Variants in KLF8 observed in about 807,000 individuals in gnomAD.
KLF8 encodes Krueppel-like factor 8.
KLF8 carries 10 observed loss-of-function variants against 18.2 expected under a neutral mutation model. That is an observed-to-expected ratio of 0.55 (90% CI 0.34 to 0.93). KLF8 has a LOEUF of 0.93. KLF8 is among the 40% of genes least tolerant of loss of function. The pLI is 0.02. For synonymous variants in KLF8, 109 were observed against 97.3 expected (o/e 1.12, Z -0.71); for missense variants, 264 against 277.9 (o/e 0.95, Z 0.36).
intron 1 of KLF8, chrX:56,242,941 A>T (rs1159365194): frequency 4.4e-6 from 2 of 457,879 alleles, no homozygotes; most frequent in East Asian, 9.5e-5. Context: ...CTCAGTTTAG[A>T]TGATCCCAAT....
chrX:56,154,837 A>G, the KLF8 span, among the ~76,000 whole-genome samples: 1 of 112,466 alleles, frequency 8.9e-6, no homozygotes, highest in Non-Finnish European at 1.9e-5. Flanking sequence ...TTATGCAGCC[A>G]AAAGACACAT....
At chrX:55,973,818 C>T in the KLF8 span, among the ~76,000 whole-genome samples, 3 of 111,930 alleles carry the variant, frequency 2.7e-5, no homozygotes, top group Non-Finnish European at 5.6e-5. Context: ...TTCAAGTCAG[C>T]AGTATCATTT....
the KLF8 span, among the ~76,000 whole-genome samples, chrX:56,063,956 G>A: frequency 9.2e-6 from 1 of 108,248 alleles, no homozygotes. Context: ...TTCACTTCCA[G>A]GTTTATGACC....
chrX:56,212,647 C>CA, the KLF8 span, among the ~76,000 whole-genome samples: 5 of 112,272 alleles, frequency 4.5e-5, no homozygotes, highest in East Asian at 1.4e-3. Context: ...TCCCAATGCC[C>CA]AGAGGCCACC....
chrX:56,059,419 C>A, the KLF8 span, among the ~76,000 whole-genome samples: 1 of 111,714 alleles, frequency 9.0e-6, no homozygotes. Flanking sequence ...AGTCATGAAG[C>A]CTTTGCCCAT....
the KLF8 span, among the ~76,000 whole-genome samples, chrX:56,224,544 A>G: frequency 4.5e-5 from 5 of 111,781 alleles, no homozygotes; most frequent in African/African-American, 1.6e-4. Context: ...CCTACTAGCT[A>G]TCCTTTGTTT....
chrX:55,944,020 C>T, the KLF8 span, among the ~76,000 whole-genome samples: 1 of 112,087 alleles, frequency 8.9e-6, no homozygotes, highest in African/African-American at 3.2e-5. Flanking sequence ...TAGGAATAGA[C>T]TCCTTGAGAG....
the KLF8 span, among the ~76,000 whole-genome samples, chrX:56,058,279 C>CGTATATATACACATATATATACATATAT: frequency 1.4e-4 from 1 of 7,311 alleles, no homozygotes; most frequent in Non-Finnish European, 3.6e-4. Context: ...CATATATATA[C>CGTATATATACACATATATATACATATAT]ATATATATAT....
At chrX:56,244,022 T>C (rs2066589323) in intron 1 of KLF8, among the ~76,000 whole-genome samples, 1 of 111,410 alleles carries the variant, frequency 9.0e-6, no homozygotes, top group Admixed American at 9.6e-5. Context: ...TGCTATGGAA[T>C]CTGCTTAAAA....
chrX:56,086,373 A>T, the KLF8 span, among the ~76,000 whole-genome samples: 3 of 111,176 alleles, frequency 2.7e-5, no homozygotes, highest in Non-Finnish European at 5.7e-5. Context: ...TGACCCTTTG[A>T]GTTCCATCCA....
At chrX:56,123,208 G>T in the KLF8 span, among the ~76,000 whole-genome samples, 1 of 108,354 alleles carries the variant, frequency 9.2e-6, no homozygotes, top group Non-Finnish European at 1.9e-5. Context: ...TTGACAGAGA[G>T]CCAGTGCATT....
intron 2 of KLF8, among the ~76,000 whole-genome samples, chrX:56,256,491 G>T (rs1319792483): frequency 3.6e-5 from 4 of 110,448 alleles, no homozygotes; most frequent in Non-Finnish European, 7.6e-5. Context: ...AGGTCTTTAA[G>T]ATGAATTATT....
At chrX:55,995,685 T>G in the KLF8 span, among the ~76,000 whole-genome samples, 1 of 112,433 alleles carries the variant, frequency 8.9e-6, no homozygotes, top group Non-Finnish European at 1.9e-5. Context: ...TTTCCTTTCA[T>G]TAAGAATGTC....
At chrX:56,059,390 C>A in the KLF8 span, among the ~76,000 whole-genome samples, 1 of 111,978 alleles carries the variant, frequency 8.9e-6, no homozygotes, top group Non-Finnish European at 1.9e-5. Flanking sequence ...ACTTTTGTTG[C>A]CATTGCTTTT....
At chrX:56,061,786 G>A in the KLF8 span, among the ~76,000 whole-genome samples, 610 of 110,449 alleles carry the variant, frequency 5.5e-3, 4 homozygotes, top group Non-Finnish European at 8.9e-3. Flanking sequence ...CTATTATTGT[G>A]TGGGAGTCTA....
chrX:56,092,658 T>A, the KLF8 span, among the ~76,000 whole-genome samples: 1 of 111,544 alleles, frequency 9.0e-6, no homozygotes, highest in Non-Finnish European at 1.9e-5. Flanking sequence ...ACTAATACTA[T>A]TCTGTTTTGA....
At chrX:56,183,476 C>A in the KLF8 span, among the ~76,000 whole-genome samples, 2 of 111,512 alleles carry the variant, frequency 1.8e-5, no homozygotes, top group East Asian at 5.7e-4. Context: ...CACCCACTGT[C>A]CAAAAAGCCC....
chrX:56,134,837 C>G, the KLF8 span, among the ~76,000 whole-genome samples: 1 of 110,496 alleles, frequency 9.1e-6, no homozygotes, highest in South Asian at 3.8e-4. Flanking sequence ...AAAATCCCAT[C>G]AAAAAGTGGG....
At position 56,284,392 on chromosome X, in the gene KLF8, C is replaced by G. The variant is rs765882454; in HGVS notation, c.978C>G (p.Arg326=). The change falls in exon 6 of 6, where the codon CGC becomes CGG. Residue 326 remains arginine, a synonymous_variant. Coordinates refer to ENST00000468660, the MANE Select transcript of KLF8 (RefSeq NM_007250.5). ...CAGATGAGCTCACTCGCCATTTCCG[C>G]AAGCACACAGGCATCAAGCCTTTTC... is the stretch of plus-strand genomic sequence containing the variant. ...ARSDELTRHF[R]KHTGIKPFRC... 1.2e-5 allele frequency: 14 copies of G among 1,206,736 alleles called. No individual in the cohort carries two copies. The highest frequency in any genetic ancestry group is 1.6e-5 in the Non-Finnish European group (14 of 893,495).
Sources: allele counts gnomAD v4.1 joint callset (sites outside exome capture counted in the v4.1 genomes callset), GRCh38; gene constraint gnomAD v4.1.1; transcripts MANE v1.5; gene names NCBI Gene and HGNC (gene_info 2026-07-23, HGNC 2026-07-21).